Variants in DNER observed in about 807,000 individuals in gnomAD.
DNER encodes the protein delta and Notch-like epidermal growth factor-related receptor.
DNER carries 33 observed loss-of-function variants against 78.2 expected under a neutral mutation model. The observed-to-expected ratio is 0.42, with a 90% CI of 0.32 to 0.56. DNER has a LOEUF of 0.56. Ranked by LOEUF, DNER falls within the 20% of genes least tolerant of loss-of-function variation. The probability of loss-of-function intolerance (pLI) is 0.11; values close to 1 mark genes in which losing one functional copy is unlikely to be tolerated. For missense variants in DNER, 918 were observed against 975.3 expected (o/e 0.94, Z 0.78); for synonymous variants, 417 against 384.8 (o/e 1.08, Z -0.98).
rs572179113 is a variant in DNER, at chr2:229,489,341, G to A, written c.1148-12088C>T. 4.6e-5 allele frequency among the ~76,000 whole-genome samples: 7 copies of A among 152,350 alleles called. No homozygotes were observed. The South Asian group carries it at 1.0e-3, about 23-fold the overall frequency. On this transcript the variant is annotated intron_variant, in intron 6 of 12. Transcript: ENST00000341772. ...GGCACTCCAAAGATAACTGAGATGA[G>A]GGCGGCGAGCATAATGGCCGAGCTT...
At chr2:229,569,201 A>C (rs1467451530) in intron 4 of DNER, among the ~76,000 whole-genome samples, 3 of 152,168 alleles carry the variant, frequency 2.0e-5, no homozygotes, top group Non-Finnish European at 4.4e-5. Flanking sequence ...AGGAACCCCC[A>C]CAGATACCAA....
At chr2:229,639,218 A>T (rs937051251) in intron 1 of DNER, among the ~76,000 whole-genome samples, 1 of 152,168 alleles carries the variant, frequency 6.6e-6, no homozygotes, top group African/African-American at 2.4e-5. Flanking sequence ...TCTCATAAGC[A>T]CCAATTATTT....
intron 7 of DNER, among the ~76,000 whole-genome samples, chr2:229,471,371 T>C (rs1417843978): frequency 6.6e-6 from 1 of 152,132 alleles, no homozygotes; most frequent in Non-Finnish European, 1.5e-5. Flanking sequence ...AAAAAATAGT[T>C]TTGTAAATGC....
chr2:229,402,821 G>A (rs1173207540), intron 10 of DNER, among the ~76,000 whole-genome samples: 3 of 152,108 alleles, frequency 2.0e-5, no homozygotes, highest in South Asian at 2.1e-4. Flanking sequence ...GCAAAGCTTC[G>A]GTGACAAGAG....
At chr2:229,394,252 G>A (rs1693082682) in intron 10 of DNER, among the ~76,000 whole-genome samples, 2 of 152,082 alleles carry the variant, frequency 1.3e-5, no homozygotes, top group Admixed American at 6.6e-5. Flanking sequence ...ATTGTACTTC[G>A]ATTGTCCTGC....
At chr2:229,580,942 T>C (rs537322095) in intron 4 of DNER, among the ~76,000 whole-genome samples, 1 of 151,920 alleles carries the variant, frequency 6.6e-6, no homozygotes, top group East Asian at 1.9e-4. Flanking sequence ...GCCTTAGAAA[T>C]GAGCTAAGTT....
intron 10 of DNER, among the ~76,000 whole-genome samples, chr2:229,402,167 C>T (rs1014645158): frequency 6.6e-6 from 1 of 151,696 alleles, no homozygotes; most frequent in Admixed American, 6.6e-5. Context: ...TAAATTAGAC[C>T]AATTACCAAA....
chr2:229,541,839 C>CATAT (rs3085474), intron 5 of DNER, among the ~76,000 whole-genome samples: 3,414 of 146,700 alleles, frequency 0.023, 122 homozygotes, highest in African/African-American at 0.08. Context: ...TAAAACAAAT[C>CATAT]ATATATATAT....
intron 1 of DNER, among the ~76,000 whole-genome samples, chr2:229,687,732 T>C (rs543339329): frequency 6.6e-6 from 1 of 152,360 alleles, no homozygotes; most frequent in South Asian, 2.1e-4. Context: ...AGTATATTTT[T>C]AATGAAATTT....
intron 10 of DNER, among the ~76,000 whole-genome samples, chr2:229,402,810 TG>T (rs1693296463): frequency 6.6e-6 from 1 of 152,180 alleles, no homozygotes; most frequent in South Asian, 2.1e-4. Context: ...GGGGCAGAAT[TG>T]CAAAGCTTCG....
chr2:229,681,640 TC>T (rs1285579977), intron 1 of DNER, among the ~76,000 whole-genome samples: 1 of 152,064 alleles, frequency 6.6e-6, no homozygotes, highest in African/African-American at 2.4e-5. Flanking sequence ...CCCACCTCAG[TC>T]CCTGAGTCGT....
chr2:229,587,129 G>A (rs1697516829), intron 3 of DNER: 1 of 283,634 alleles, frequency 3.5e-6, no homozygotes, highest in South Asian at 1.4e-4. Flanking sequence ...ATTTGGAAAG[G>A]TTTATCAAGG....
chr2:229,519,427 A>G (rs1334882627), intron 5 of DNER, among the ~76,000 whole-genome samples: 1 of 152,184 alleles, frequency 6.6e-6, no homozygotes, highest in Non-Finnish European at 1.5e-5. Flanking sequence ...TGACATCAGT[A>G]TCAACATAAA....
intron 1 of DNER, among the ~76,000 whole-genome samples, chr2:229,629,955 T>C (rs1484322933): frequency 6.6e-6 from 1 of 152,222 alleles, no homozygotes; most frequent in East Asian, 1.9e-4. Flanking sequence ...GCAGAAAATA[T>C]GTCTCAAATT....
intron 8 of DNER, among the ~76,000 whole-genome samples, chr2:229,426,449 A>G (rs1693880406): frequency 6.7e-6 from 1 of 148,838 alleles, no homozygotes; most frequent in African/African-American, 2.6e-5. Context: ...TCAAAAAAAA[A>G]AAAAAAAAAA....
chr2:229,558,409 C>T (rs1288589574), intron 4 of DNER, among the ~76,000 whole-genome samples: 14 of 152,104 alleles, frequency 9.2e-5, no homozygotes, highest in Admixed American at 9.2e-4. Flanking sequence ...AAAATAAAGG[C>T]TTTCTGTCAA....
At chr2:229,610,758 C>T (rs1316438472) in intron 1 of DNER, among the ~76,000 whole-genome samples, 2 of 152,194 alleles carry the variant, frequency 1.3e-5, no homozygotes, top group East Asian at 3.8e-4. Flanking sequence ...GATACTTATG[C>T]ATCTTAAAGA....
intron 6 of DNER, among the ~76,000 whole-genome samples, chr2:229,510,349 G>C (rs1209168062): frequency 6.6e-6 from 1 of 152,222 alleles, no homozygotes; most frequent in African/African-American, 2.4e-5. Context: ...TGGAGGGTCC[G>C]GGCATGGATG....
At chr2:229,387,511 G>A (rs867334213) in intron 11 of DNER, among the ~76,000 whole-genome samples, 1 of 39,868 alleles carries the variant, frequency 2.5e-5, no homozygotes, top group African/African-American at 9.5e-5. Context: ...AAGAAAGAGA[G>A]AAAGAAAGAA....
Sources: allele counts gnomAD v4.1 joint callset (sites outside exome capture counted in the v4.1 genomes callset), GRCh38; gene constraint gnomAD v4.1.1; transcripts MANE v1.5; gene names NCBI Gene and HGNC (gene_info 2026-07-23, HGNC 2026-07-21).